The following MOB3B variants were observed in gnomAD, a reference collection of about 807,000 sequenced individuals.
MOB3B encodes MOB kinase activator 3B, also known as MOB kinase activator-like 2B.
Under a neutral mutation model 18.7 loss-of-function variants are expected in MOB3B, and 7 were observed. The ratio of observed to expected loss-of-function variants is 0.37; its 90% CI spans 0.21 to 0.70. MOB3B has a LOEUF of 0.70. MOB3B is among the 30% of genes least tolerant of loss of function. The pLI, the probability that MOB3B is intolerant of heterozygous loss-of-function variation, is 0.52. For synonymous variants in MOB3B, 111 were observed against 99.9 expected (o/e 1.11, Z -0.66); for missense variants, 253 against 281.3 (o/e 0.90, Z 0.72).
chr9:27,330,750 G>GCTT (rs1820775238), intron 3 of MOB3B, 134 bp from the exon 4 acceptor site: 1 of 1,315,606 alleles, frequency 7.6e-7, no homozygotes, highest in Non-Finnish European at 1.1e-6. Context: ...CATGAATAAG[G>GCTT]CTTAGCATGA....
intron 2 of MOB3B, among the ~76,000 whole-genome samples, chr9:27,410,224 C>T (rs1296633132): frequency 4.6e-5 from 7 of 152,158 alleles, no homozygotes; most frequent in Admixed American, 1.3e-4. Context: ...TTCATTCTAT[C>T]AGTGGATTTC....
intron 2 of MOB3B, among the ~76,000 whole-genome samples, chr9:27,449,627 A>G (rs1160006808): frequency 6.6e-6 from 1 of 152,210 alleles, no homozygotes; most frequent in Non-Finnish European, 1.5e-5. Flanking sequence ...CTGTCTTGCT[A>G]GCGTTACAAA....
At chr9:27,373,445 A>G (rs1821449418) in intron 2 of MOB3B, among the ~76,000 whole-genome samples, 2 of 152,230 alleles carry the variant, frequency 1.3e-5, no homozygotes, top group Non-Finnish European at 2.9e-5. Context: ...CAATAAGCGA[A>G]AGAGTTAAAT....
In MOB3B at chr9:27,326,276, C is replaced by A. The variant is rs983193572; in HGVS notation, c.*4311G>T. The A allele has an allele frequency of 5.1e-6, 2 of 391,946 alleles. No homozygotes were observed. The highest frequency in any genetic ancestry group is 9.0e-6 in the Non-Finnish European group (2 of 222,340). The allele number at this position is 391,946 out of a possible 1,614,324, so 24.3% of individuals were successfully genotyped here. A position where few individuals can be genotyped will look rare whatever the true frequency, so the allele number is the denominator to read the frequency against. ...ACATCAGTGGTCAACAATGGAGCAA[C>A]AAGACTCCGTAGAGGATGCCACCCT... On this transcript the variant is annotated 3_prime_UTR_variant, in exon 4 of 4. Coordinates refer to ENST00000262244, the MANE Select transcript of MOB3B (RefSeq NM_024761.5).
At chr9:27,488,365 T>G (rs1336652778) in intron 1 of MOB3B, among the ~76,000 whole-genome samples, 1 of 152,194 alleles carries the variant, frequency 6.6e-6, no homozygotes, top group Non-Finnish European at 1.5e-5. Flanking sequence ...AACATAATGT[T>G]TTACACAGAG....
intron 1 of MOB3B, among the ~76,000 whole-genome samples, chr9:27,471,295 G>A (rs1819467412): frequency 6.6e-6 from 1 of 152,216 alleles, no homozygotes; most frequent in African/African-American, 2.4e-5. Context: ...GTCATCTGAA[G>A]AGTTGTATTT....
chr9:27,357,144 A>G (rs867127609), intron 3 of MOB3B, among the ~76,000 whole-genome samples: 5,018 of 80,898 alleles, frequency 0.062, 499 homozygotes, highest in African/African-American at 0.18. Flanking sequence ...ATATATATAT[A>G]TGTGTTTTTT....
intron 1 of MOB3B, among the ~76,000 whole-genome samples, chr9:27,492,672 G>C (rs951278630): frequency 6.6e-6 from 1 of 152,238 alleles, no homozygotes; most frequent in Non-Finnish European, 1.5e-5. Flanking sequence ...ATCTGGAGCA[G>C]AAGGTAATTA....
At chr9:27,402,324 A>G (rs1417400528) in intron 2 of MOB3B, among the ~76,000 whole-genome samples, 1 of 152,224 alleles carries the variant, frequency 6.6e-6, no homozygotes, top group African/African-American at 2.4e-5. Context: ...TGCAAGCTCC[A>G]TGAGAGCCTG....
intron 2 of MOB3B, among the ~76,000 whole-genome samples, chr9:27,381,924 G>C (rs1228808683): frequency 1.3e-5 from 2 of 152,188 alleles, no homozygotes; most frequent in African/African-American, 4.8e-5. Context: ...AGGATTACAA[G>C]TGTGAGCTAA....
intron 2 of MOB3B, among the ~76,000 whole-genome samples, chr9:27,385,128 G>C (rs575656393): frequency 1.3e-5 from 2 of 152,280 alleles, no homozygotes; most frequent in African/African-American, 4.8e-5. Flanking sequence ...GGATGAGGAG[G>C]GGGGCAAAAG....
intron 1 of MOB3B, among the ~76,000 whole-genome samples, chr9:27,497,956 G>C (rs925449670): frequency 5.3e-5 from 8 of 152,202 alleles, no homozygotes; most frequent in African/African-American, 1.9e-4. Context: ...ATGTGAAAAG[G>C]AAGCTGGCCT....
At chr9:27,458,774 T>G (rs1819231242) in intron 1 of MOB3B, among the ~76,000 whole-genome samples, 1 of 151,950 alleles carries the variant, frequency 6.6e-6, no homozygotes, top group Non-Finnish European at 1.5e-5. Context: ...TAGGCTGGTC[T>G]TGAACTCCTG....
chr9:27,431,057 G>A (rs775559662), intron 2 of MOB3B, among the ~76,000 whole-genome samples: 15 of 152,034 alleles, frequency 9.9e-5, no homozygotes, highest in Non-Finnish European at 2.9e-5. Flanking sequence ...CTGCGATTTT[G>A]TGCAGAGTTA....
intron 2 of MOB3B, among the ~76,000 whole-genome samples, chr9:27,381,820 A>G (rs955087509): frequency 2.6e-5 from 4 of 152,044 alleles, no homozygotes; most frequent in Non-Finnish European, 4.4e-5. Context: ...CTAAATTTTT[A>G]TTTTATGTAG....
chr9:27,429,768 G>A (rs1563866708), intron 2 of MOB3B, among the ~76,000 whole-genome samples: 1 of 152,178 alleles, frequency 6.6e-6, no homozygotes, highest in Non-Finnish European at 1.5e-5. Context: ...TACCATTCAA[G>A]GTCACGAACT....
intron 1 of MOB3B, among the ~76,000 whole-genome samples, chr9:27,481,520 G>GTTTTTTTTTT (rs1224985717): frequency 4.4e-5 from 4 of 91,726 alleles, no homozygotes; most frequent in African/African-American, 1.1e-4. Flanking sequence ...TGTTTTTTTT[G>GTTTTTTTTTT]TTTTTTTTTT....
At chr9:27,372,274 C>CA (rs1266050387) in intron 2 of MOB3B, among the ~76,000 whole-genome samples, 1 of 151,734 alleles carries the variant, frequency 6.6e-6, no homozygotes, top group African/African-American at 2.4e-5. Flanking sequence ...ACAATCTGAG[C>CA]AAAAAAATAG....
chr9:27,452,562 T>C (rs1822805783), intron 2 of MOB3B, among the ~76,000 whole-genome samples: 1 of 152,050 alleles, frequency 6.6e-6, no homozygotes, highest in African/African-American at 2.4e-5. Context: ...TGAAAGAAAA[T>C]ACATAATTTA....
Sources: gnomAD v4.1 joint callset for allele counts (sites outside exome capture counted in the v4.1 genomes callset) on GRCh38, gnomAD v4.1.1 for gene constraint, MANE v1.5 for transcripts, NCBI Gene and HGNC (gene_info 2026-07-23, HGNC 2026-07-21) for gene names.